ITGB5: variants seen among roughly 807,000 people sequenced by gnomAD.
ITGB5 encodes the protein integrin beta-5.
A neutral mutation model predicts 84.8 loss-of-function variants in ITGB5; 38 were observed. That is an observed-to-expected ratio of 0.45 (90% confidence interval 0.35 to 0.59). The LOEUF (loss-of-function observed/expected upper bound fraction) is 0.59. Ranked by LOEUF, ITGB5 falls within the 20% of genes least tolerant of loss-of-function variation. The pLI is 0.01. For missense variants in ITGB5, 905 were observed against 1,034.5 expected (o/e 0.87, Z 1.72); for synonymous variants, 393 against 414.4 (o/e 0.95, Z 0.63).
At chr3:124,870,559 T>G (rs1237408752) in intron 2 of ITGB5, among the ~76,000 whole-genome samples, 1 of 152,094 alleles carries the variant, frequency 6.6e-6, no homozygotes, top group Admixed American at 6.6e-5. Flanking sequence ...AAACCCCGTC[T>G]CTACTAAAAA....
At chr3:124,771,728 G>A (rs12494985) in intron 11 of ITGB5, among the ~76,000 whole-genome samples, 36,402 of 144,574 alleles carry the variant, frequency 0.25, 5,344 homozygotes, top group African/African-American at 0.39. Context: ...AGCCTGGGTG[G>A]CGGGAGTGAG....
intron 9 of ITGB5, among the ~76,000 whole-genome samples, chr3:124,807,904 T>C (rs1487700297): frequency 8.2e-6 from 1 of 121,592 alleles, no homozygotes. Context: ...ATCGTGCCAC[T>C]GCACTCCAGC....
chr3:124,811,842 T>C, intron 8 of ITGB5, among the ~76,000 whole-genome samples: 1 of 152,150 alleles, frequency 6.6e-6, no homozygotes, highest in East Asian at 1.9e-4. Context: ...AAGGAAAAGG[T>C]GGCCTGGGAC....
intron 8 of ITGB5, among the ~76,000 whole-genome samples, chr3:124,815,452 G>C (rs1178186236): frequency 6.6e-6 from 1 of 152,224 alleles, no homozygotes; most frequent in East Asian, 1.9e-4. Flanking sequence ...CCACTCAACA[G>C]AGCCCAGATG....
At position 124,763,710 on chromosome 3, in the gene ITGB5, A is replaced by C. The variant is rs372354945; in HGVS notation, c.2313T>G (p.Asn771Lys). The C allele has an allele frequency of 1.5e-5, 24 of 1,600,510 alleles. No homozygotes were observed. The highest frequency in any genetic ancestry group is 2.0e-5 in the Non-Finnish European group (23 of 1,167,894). Reference sequence around the variant, plus strand: ...TGGAGATAGGCTTTCTGTATAATGGATTTGAAGCCTACAGAACACGGCGGG... The same window carrying C: ...TGGAGATAGGCTTTCTGTATAATGGCTTTGAAGCCTACAGAACACGGCGGG... Reference protein sequence around the residue: ...RSRARYEMASNPLYRKPISTH... With the variant: ...RSRARYEMASKPLYRKPISTH... The change falls in exon 15 of 15, where the codon AAT (asparagine) becomes AAG (lysine). Residue 771 changes from asparagine (N) to lysine (K), a missense_variant. Around this residue, in one of 3 missense-constraint regions of ITGB5, gnomAD observed 133 missense variants for 122.8 expected, o/e 1.08. Transcript: ENST00000296181.
At chr3:124,812,998 C>T (rs1026425552) in intron 8 of ITGB5, among the ~76,000 whole-genome samples, 5 of 152,124 alleles carry the variant, frequency 3.3e-5, no homozygotes, top group Admixed American at 2.6e-4. Flanking sequence ...ACCACTCGGA[C>T]GGTGAGGTGA....
intron 10 of ITGB5, among the ~76,000 whole-genome samples, chr3:124,789,418 G>A (rs575778325): frequency 1.0e-3 from 149 of 149,574 alleles, no homozygotes; most frequent in African/African-American, 3.4e-3. Flanking sequence ...TATCAGAACC[G>A]CCTCTGACTA....
At chr3:124,814,694 G>C (rs2064559552) in intron 8 of ITGB5, among the ~76,000 whole-genome samples, 1 of 151,996 alleles carries the variant, frequency 6.6e-6, no homozygotes, top group South Asian at 2.1e-4. Flanking sequence ...GATCCTCCCA[G>C]CTTAGCCTCC....
chr3:124,765,250 C>T (rs1368577550), intron 13 of ITGB5, among the ~76,000 whole-genome samples: 5 of 152,170 alleles, frequency 3.3e-5, no homozygotes, highest in African/African-American at 1.2e-4. Context: ...TCAGATATTC[C>T]AGTTACTCCA....
chr3:124,867,713 C>T (rs1559978311), intron 2 of ITGB5, among the ~76,000 whole-genome samples: 1 of 152,244 alleles, frequency 6.6e-6, no homozygotes, highest in Non-Finnish European at 1.5e-5. Flanking sequence ...TACCCCTAGG[C>T]CCTGCTTGAA....
intron 9 of ITGB5, among the ~76,000 whole-genome samples, chr3:124,801,185 C>A (rs1205119173): frequency 6.6e-6 from 1 of 152,160 alleles, no homozygotes. Flanking sequence ...GGTTCACTGG[C>A]TGCTTTGTGC....
chr3:124,802,864 C>T (rs1170846521), intron 9 of ITGB5, among the ~76,000 whole-genome samples: 1 of 152,152 alleles, frequency 6.6e-6, no homozygotes, highest in African/African-American at 2.4e-5. Flanking sequence ...ACCCCACAGC[C>T]CTCGCAGTGG....
intron 5 of ITGB5, among the ~76,000 whole-genome samples, chr3:124,836,870 T>C (rs554221827): frequency 2.2e-4 from 33 of 152,316 alleles, no homozygotes; most frequent in Non-Finnish European, 1.6e-4. Context: ...CATCCAACTA[T>C]TTTTGAGAGG....
rs982948439 is a variant in ITGB5 at position 124,860,002 on chromosome 3, C to T, written c.157-556G>A. On this transcript the variant is annotated intron_variant, in intron 2 of 14. Coordinates refer to ENST00000296181, the MANE Select transcript of ITGB5 (RefSeq NM_002213.5). ...AGTAGCTGAAAAGTCTTCCCTTGGG[C>T]ATTCAAGAGTTAACCTTTAAGTTGT... 3.3e-5 allele frequency among the ~76,000 whole-genome samples: 5 copies of T among 152,124 alleles called. 1 individual carries two copies. The South Asian group carries it at 8.3e-4, about 25-fold the overall frequency.
At chr3:124,824,184 T>C (rs1227682009) in intron 5 of ITGB5, among the ~76,000 whole-genome samples, 1 of 152,190 alleles carries the variant, frequency 6.6e-6, no homozygotes, top group Non-Finnish European at 1.5e-5. Flanking sequence ...CAAGACTTAT[T>C]ACAAAGCTAC....
chr3:124,786,254 C>T (rs1274288329), intron 10 of ITGB5, among the ~76,000 whole-genome samples: 5 of 152,204 alleles, frequency 3.3e-5, no homozygotes, highest in African/African-American at 1.2e-4. Context: ...AACAGATTCT[C>T]AGCTGGGTGC....
At chr3:124,830,959 G>C (rs2064851028) in intron 5 of ITGB5, among the ~76,000 whole-genome samples, 1 of 152,100 alleles carries the variant, frequency 6.6e-6, no homozygotes, top group Non-Finnish European at 1.5e-5. Context: ...ACTCCAGCCT[G>C]GGTGACAGAG....
At chr3:124,845,633 G>C (rs1305774632) in intron 4 of ITGB5, among the ~76,000 whole-genome samples, 3 of 152,198 alleles carry the variant, frequency 2.0e-5, no homozygotes, top group Non-Finnish European at 2.9e-5. Context: ...CTCTGAATAA[G>C]TAATGATGTG....
chr3:124,805,133 T>TTCTC (rs113766698), intron 9 of ITGB5, among the ~76,000 whole-genome samples: 23 of 141,972 alleles, frequency 1.6e-4, no homozygotes, highest in African/African-American at 2.6e-4. Context: ...CTTTCTCCCT[T>TTCTC]TCTCTCTCTC....
Sources: gnomAD v4.1 joint callset for allele counts (sites outside exome capture counted in the v4.1 genomes callset) on GRCh38, gnomAD v4.1.1 for gene constraint, gnomAD v4.1.1 regional missense constraint, MANE v1.5 for transcripts, NCBI Gene and HGNC (gene_info 2026-07-23, HGNC 2026-07-21) for gene names.